The following SETD3 variants were observed in gnomAD, a reference collection of about 807,000 sequenced individuals.
SETD3 encodes the protein actin-histidine N-methyltransferase.
Under a neutral mutation model 63.0 loss-of-function variants are expected in SETD3, and 19 were observed. That is an observed-to-expected ratio of 0.30 (90% CI 0.21 to 0.44). The LOEUF (loss-of-function observed/expected upper bound fraction) is 0.44. Ranked by LOEUF, SETD3 falls within the 20% of genes least tolerant of loss-of-function variation. The probability of loss-of-function intolerance (pLI) is 1.00; values close to 1 mark genes in which losing one functional copy is unlikely to be tolerated. For missense variants in SETD3, 587 were observed against 728.5 expected, an observed-to-expected ratio of 0.81 and a Z score of 2.24; for synonymous variants, 286 against 264.1, an observed-to-expected ratio of 1.08 and a Z score of -0.80.
rs115202290 is a variant in SETD3, at chr14:99,459,265, C to T, written c.346-80G>A. The T allele has an allele frequency of 3.9e-3, 3,668 of 950,896 alleles. 96 individuals are homozygous for T. In the African/African-American group the frequency reaches 0.054, roughly 14 times the overall value. 58.9% of individuals were successfully genotyped at this position (950,896 alleles called of 1,614,324 possible). A position where few individuals can be genotyped will look rare whatever the true frequency, so the allele number is the denominator to read the frequency against. ...CCAACCATATCTACGGTCAGAAATC[C>T]AATCACACATGAAGTACAACTTAAG... On this transcript the variant is annotated intron_variant, in intron 4 of 12. Coordinates refer to ENST00000331768, the MANE Select transcript of SETD3 (RefSeq NM_032233.3).
At chr14:99,431,568 T>A (rs1035461421) in intron 6 of SETD3, among the ~76,000 whole-genome samples, 1 of 152,072 alleles carries the variant, frequency 6.6e-6, no homozygotes, top group East Asian at 1.9e-4. Flanking sequence ...CTCAGCTCAC[T>A]GCAACCTCCA....
intron 12 of SETD3, 133 bp from the exon 13 acceptor site, chr14:99,399,258 G>A: frequency 3.1e-6 from 2 of 650,450 alleles, no homozygotes; most frequent in South Asian, 1.9e-5. Flanking sequence ...ACTTGACTGG[G>A]CAGGTGGTCG....
intron 6 of SETD3, among the ~76,000 whole-genome samples, chr14:99,430,919 A>T (rs1893139098): frequency 6.6e-6 from 1 of 152,210 alleles, no homozygotes; most frequent in South Asian, 2.1e-4. Flanking sequence ...AATCAGCTCT[A>T]ATCTAACAGT....
chr14:99,422,834 AACAC>A (rs1892659893), intron 6 of SETD3, among the ~76,000 whole-genome samples: 1 of 152,168 alleles, frequency 6.6e-6, no homozygotes, highest in African/African-American at 2.4e-5. Flanking sequence ...CAGGGAAGAA[AACAC>A]AGCTCAAAAA....
intron 1 of SETD3, among the ~76,000 whole-genome samples, chr14:99,469,302 G>A (rs1895567599): frequency 1.3e-5 from 2 of 152,152 alleles, no homozygotes; most frequent in Middle Eastern, 3.2e-3. Flanking sequence ...AAGTCCTGTT[G>A]GGTGATGTTT....
chr14:99,431,341 C>T lies in SETD3; in HGVS notation c.676-17407G>A, dbSNP rs574606358. ...AAACTGTGGCCAAGTGACCTGCCAC[C>T]CCTTTGTGATTTACAGGCAGAGCTG... On this transcript the variant is annotated intron_variant, in intron 6 of 12. Transcript: ENST00000331768. 9.4e-4 allele frequency among the ~76,000 whole-genome samples: 143 copies of T among 152,324 alleles called. 1 individual carries two copies. The highest frequency in any genetic ancestry group is 3.1e-3 in the African/African-American group (130 of 41,554).
intron 6 of SETD3, among the ~76,000 whole-genome samples, chr14:99,449,573 C>T (rs904808571): frequency 3.9e-5 from 6 of 152,114 alleles, no homozygotes; most frequent in African/African-American, 7.2e-5. Flanking sequence ...TCAAAAGTGC[C>T]GGGGTCATGA....
At chr14:99,406,459 T>G in intron 9 of SETD3, 57 bp downstream of exon 9, 1 of 1,439,056 alleles carries the variant, frequency 6.9e-7, no homozygotes, top group Non-Finnish European at 9.8e-7. Context: ...ACCAACACGG[T>G]GTTAACGTTA....
chr14:99,438,530 A>G (rs968506570), intron 6 of SETD3, among the ~76,000 whole-genome samples: 5 of 152,230 alleles, frequency 3.3e-5, no homozygotes, highest in Non-Finnish European at 7.3e-5. Context: ...TGTTATAAGC[A>G]AGGTAAACTT....
intron 8 of SETD3, among the ~76,000 whole-genome samples, chr14:99,407,917 C>A (rs934113889): frequency 3.3e-5 from 5 of 152,188 alleles, no homozygotes; most frequent in African/African-American, 1.2e-4. Flanking sequence ...GATGCATGAA[C>A]CCGCAGGGGA....
chr14:99,443,020 C>A (rs993371665), intron 6 of SETD3, among the ~76,000 whole-genome samples: 1 of 152,150 alleles, frequency 6.6e-6, no homozygotes, highest in African/African-American at 2.4e-5. Flanking sequence ...CCAAGCCACC[C>A]CTTTGAGCCT....
intron 8 of SETD3, chr14:99,412,026 C>CAGGA (rs1340898806): frequency 6.6e-6 from 1 of 152,220 alleles, no homozygotes; most frequent in Non-Finnish European, 1.5e-5. Context: ...TCATTCACGG[C>CAGGA]ATTTCTTTAT....
At chr14:99,410,355 T>G (rs889678740) in intron 8 of SETD3, 2 of 1,214,200 alleles carry the variant, frequency 1.6e-6, no homozygotes, top group African/African-American at 1.6e-5. Context: ...TATAAATGTT[T>G]TAGATTTTTT....
intron 11 of SETD3, among the ~76,000 whole-genome samples, chr14:99,401,952 T>A (rs1012034122): frequency 1.3e-5 from 2 of 151,456 alleles, no homozygotes; most frequent in Non-Finnish European, 2.9e-5. Flanking sequence ...TAAGACAATG[T>A]AGCATGTGGC....
intron 6 of SETD3, among the ~76,000 whole-genome samples, chr14:99,417,577 G>A (rs1048132292): frequency 5.3e-5 from 8 of 152,216 alleles, no homozygotes; most frequent in African/African-American, 1.9e-4. Context: ...TAAACAAACA[G>A]TTAATATGTG....
chr14:99,473,882 T>A (rs1314956577), intron 1 of SETD3, among the ~76,000 whole-genome samples: 1 of 152,212 alleles, frequency 6.6e-6, no homozygotes. Context: ...TAAAGTGCCA[T>A]GGTACCGTGT....
chr14:99,404,367 A>T (rs1891563265), intron 10 of SETD3, 57 bp from the exon 11 acceptor site: 1 of 1,490,206 alleles, frequency 6.7e-7, no homozygotes, highest in Non-Finnish European at 9.4e-7. Flanking sequence ...ACTTGCTCCA[A>T]ACTGAGATTC....
chr14:99,440,517 G>C (rs971400867), intron 6 of SETD3, among the ~76,000 whole-genome samples: 13 of 152,190 alleles, frequency 8.5e-5, no homozygotes, highest in Non-Finnish European at 2.9e-5. Flanking sequence ...ATCATGCGCA[G>C]GGGAGGGCGA....
intron 6 of SETD3, 145 bp from the exon 7 acceptor site, chr14:99,414,079 G>A (rs1411960115): frequency 1.4e-6 from 1 of 695,394 alleles, no homozygotes; most frequent in East Asian, 2.7e-5. Flanking sequence ...CGCTACAGAG[G>A]GATCATCGCG....
Sources: gnomAD v4.1 joint callset for allele counts (sites outside exome capture counted in the v4.1 genomes callset) on GRCh38, gnomAD v4.1.1 for gene constraint, MANE v1.5 for transcripts, NCBI Gene and HGNC (gene_info 2026-07-23, HGNC 2026-07-21) for gene names.